ASTN1: variants seen among roughly 807,000 people sequenced by gnomAD.
ASTN1 encodes astrotactin-1.
Under a neutral mutation model 140.7 loss-of-function variants are expected in ASTN1, and 41 were observed. The ratio of observed to expected loss-of-function variants is 0.29; its 90% CI spans 0.23 to 0.38. The LOEUF (loss-of-function observed/expected upper bound fraction) is 0.38, where lower values mean the gene tolerates loss of function less well. ASTN1 is among the 10% of genes least tolerant of loss of function. The probability of loss-of-function intolerance (pLI) is 1.00; values close to 1 mark genes in which losing one functional copy is unlikely to be tolerated. For synonymous variants in ASTN1, 640 were observed against 652.2 expected, an observed-to-expected ratio of 0.98 and a Z score of 0.29; for missense variants, 1,479 against 1,678.8, an observed-to-expected ratio of 0.88 and a Z score of 2.08.
chr1:176,988,313 T>C (rs957036661), intron 8 of ASTN1, among the ~76,000 whole-genome samples: 1 of 74,402 alleles, frequency 1.3e-5, no homozygotes, highest in Non-Finnish European at 2.9e-5. Flanking sequence ...AGAGGATATA[T>C]TGGGAAAAAA....
intron 1 of ASTN1, among the ~76,000 whole-genome samples, chr1:177,121,541 A>G (rs1681387940): frequency 6.6e-6 from 1 of 152,100 alleles, no homozygotes; most frequent in South Asian, 2.1e-4. Flanking sequence ...TAAAATGTCT[A>G]ATAATACTTA....
intron 1 of ASTN1, among the ~76,000 whole-genome samples, chr1:177,082,134 A>T (rs1433198521): frequency 6.6e-6 from 1 of 152,192 alleles, no homozygotes; most frequent in Admixed American, 6.5e-5. Context: ...ATTTAAATGG[A>T]CATGTCAGAA....
intron 8 of ASTN1, among the ~76,000 whole-genome samples, chr1:176,975,220 C>G (rs894141189): frequency 6.6e-6 from 1 of 152,230 alleles, no homozygotes; most frequent in African/African-American, 2.4e-5. Flanking sequence ...GGCAGGTACT[C>G]TACTTGGTGC....
chr1:176,865,384 T>C (rs1359594866), intron 22 of ASTN1, among the ~76,000 whole-genome samples: 1 of 152,184 alleles, frequency 6.6e-6, no homozygotes, highest in East Asian at 1.9e-4. Context: ...ATGTCACTGG[T>C]GCAGACCAGT....
At position 177,023,467 on chromosome 1, in the gene ASTN1, C is replaced by A; in HGVS notation, c.1375G>T (p.Ala459Ser). 1 of 1,611,408 alleles carries A rather than the reference C, an allele frequency of 6.2e-7. No homozygotes were observed. Among genetic ancestry groups the A allele is most frequent in the Non-Finnish European group, 8.5e-7 (1 of 1,178,880 alleles). Reference sequence around the variant, plus strand: ...AGCCGCCGGGCACAGAGGTCCATGGCCCAGGGTCCGCTGGAGTTCTGCTGA... The same window carrying A: ...AGCCGCCGGGCACAGAGGTCCATGGACCAGGGTCCGCTGGAGTTCTGCTGA... ...FSQQNSSGPW[A>S]MDLCARRLLD... The change falls in exon 7 of 23, where the codon GCC becomes TCC. Residue 459 changes from alanine (A) to serine (S), a missense_variant. Around this residue, in one of 3 missense-constraint regions of ASTN1, gnomAD observed 729 missense variants for 860.4 expected, o/e 0.85. Transcript: ENST00000361833.
intron 11 of ASTN1, among the ~76,000 whole-genome samples, chr1:176,952,532 A>C (rs1390965753): frequency 6.6e-6 from 1 of 151,992 alleles, no homozygotes; most frequent in Non-Finnish European, 1.5e-5. Context: ...TTTTCTTCTT[A>C]ACCTTTGGGA....
chr1:177,154,694 T>C (rs1683170472), intron 1 of ASTN1, among the ~76,000 whole-genome samples: 1 of 151,758 alleles, frequency 6.6e-6, no homozygotes, highest in Admixed American at 6.6e-5. Flanking sequence ...TAATAAGCAT[T>C]AGGGAGATTA....
chr1:176,882,782 A>G, intron 20 of ASTN1, 77 bp downstream of exon 20: 2 of 1,578,428 alleles, frequency 1.3e-6, no homozygotes, highest in East Asian at 4.5e-5. Context: ...AAAGGAACTC[A>G]AGTAGCAAGA....
chr1:176,866,670 T>C (rs1304432608), intron 22 of ASTN1, among the ~76,000 whole-genome samples: 1 of 149,018 alleles, frequency 6.7e-6, no homozygotes, highest in Admixed American at 6.6e-5. Context: ...AATAATTAAT[T>C]TGGGATTGCC....
At chr1:177,068,051 C>T (rs1318644829) in intron 1 of ASTN1, among the ~76,000 whole-genome samples, 1 of 152,158 alleles carries the variant, frequency 6.6e-6, no homozygotes, top group Non-Finnish European at 1.5e-5. Flanking sequence ...ATGTCAGAAA[C>T]ATTGATGGTT....
intron 2 of ASTN1, among the ~76,000 whole-genome samples, chr1:177,057,711 A>G (rs1196733677): frequency 6.7e-6 from 1 of 148,750 alleles, no homozygotes; most frequent in Non-Finnish European, 1.5e-5. Context: ...AATATTGATC[A>G]TTAGAGTTAA....
rs374641554 is a variant in ASTN1, at chr1:176,934,284, C to G, written c.2539G>C (p.Ala847Pro). 4 of 1,613,832 alleles carry G rather than the reference C, an allele frequency of 2.5e-6. No homozygotes were observed. Among genetic ancestry groups the G allele is most frequent in the Non-Finnish European group, 3.4e-6 (4 of 1,179,890 alleles). Residue 847 changes from alanine to proline, a missense_variant, in exon 16 of 23, where the codon GCG (alanine) becomes CCG (proline). Coordinates refer to ENST00000361833, the MANE Select transcript of ASTN1 (RefSeq NM_004319.3). ...DGATSRADFV[A>P]LLDQFGNHYI... is the part of the protein sequence containing the mutation. ...TGGTTGCCGAACTGGTCCAACAGCG[C>G]CACAAAATCTGCACGAGATGTAGCC...
chr1:176,946,556 C>T (rs182747897), intron 12 of ASTN1, among the ~76,000 whole-genome samples: 3 of 152,204 alleles, frequency 2.0e-5, no homozygotes, highest in Admixed American at 2.0e-4. Flanking sequence ...AGGAATGACA[C>T]CATGCTTAAG....
At chr1:176,964,947 A>G (rs1345754831) in intron 9 of ASTN1, among the ~76,000 whole-genome samples, 2 of 152,148 alleles carry the variant, frequency 1.3e-5, no homozygotes, top group East Asian at 3.9e-4. Flanking sequence ...GAGCTGGCAA[A>G]GAAGGAAGCC....
chr1:176,949,140 T>C (rs766771330), intron 12 of ASTN1, 45 bp downstream of exon 12: 2 of 1,609,312 alleles, frequency 1.2e-6, no homozygotes, highest in South Asian at 2.2e-5. Context: ...TCCTGCGTCC[T>C]GGGACAGATG....
In ASTN1 at chr1:177,032,689, C is replaced by A; in HGVS notation, c.632G>T (p.Gly211Val). The change falls in exon 3 of 23, where the codon GGG becomes GTG. Residue 211 changes from glycine (G) to valine (V), a missense_variant. By Grantham distance (109) the Gly-to-Val change is moderately radical. Coordinates refer to ENST00000361833, the MANE Select transcript of ASTN1 (RefSeq NM_004319.3). Reference sequence around the variant, plus strand: ...ATTGCGCAGGCTCTCCCGTCCGTGCCCGCCGATCAGCACAGAAGGAATGTA... The same window carrying A: ...ATTGCGCAGGCTCTCCCGTCCGTGCACGCCGATCAGCACAGAAGGAATGTA... Reference protein sequence around the residue: ...IHYIPSVLIGGHGRESLRNAR... With the variant: ...IHYIPSVLIGVHGRESLRNAR... 1.2e-6 allele frequency: 2 copies of A among 1,614,078 alleles called. No individual in the cohort carries two copies. Among genetic ancestry groups the A allele is most frequent in the Non-Finnish European group, 8.5e-7 (1 of 1,180,020 alleles).
chr1:176,860,967 T>A, downstream of ASTN1: 1 of 558,650 alleles, frequency 1.8e-6, no homozygotes, highest in Non-Finnish European at 2.3e-6. Context: ...GCCCATTATG[T>A]CTGGAATCTG....
At chr1:176,973,170 A>G (rs1673214945) in intron 8 of ASTN1, among the ~76,000 whole-genome samples, 1 of 152,148 alleles carries the variant, frequency 6.6e-6, no homozygotes, top group East Asian at 1.9e-4. Context: ...CCTGGTCTCA[A>G]TTTCAAGAAT....
At chr1:177,116,241 G>A (rs1681084754) in intron 1 of ASTN1, among the ~76,000 whole-genome samples, 1 of 152,022 alleles carries the variant, frequency 6.6e-6, no homozygotes, top group African/African-American at 2.4e-5. Flanking sequence ...TGTTTCTATG[G>A]CCAGAAACTG....
Sources: gnomAD v4.1 joint callset for allele counts (sites outside exome capture counted in the v4.1 genomes callset) on GRCh38, gnomAD v4.1.1 for gene constraint, gnomAD v4.1.1 regional missense constraint, MANE v1.5 for transcripts, NCBI Gene and HGNC (gene_info 2026-07-23, HGNC 2026-07-21) for gene names.